The following AGPAT3 variants were observed in gnomAD, a reference collection of about 807,000 sequenced individuals.
The protein encoded by AGPAT3 is 1-acyl-sn-glycerol-3-phosphate acyltransferase gamma.
Under a neutral mutation model 47.3 loss-of-function variants are expected in AGPAT3, and 5 were observed. The observed-to-expected ratio is 0.11, with a 90% CI of 0.06 to 0.22. AGPAT3 has a LOEUF of 0.22. Ranked by LOEUF, AGPAT3 falls within the 10% of genes least tolerant of loss-of-function variation. AGPAT3 has a pLI of 1.00. For synonymous variants in AGPAT3, 212 were observed against 208.3 expected (o/e 1.02, Z -0.15); for missense variants, 315 against 493.0 (o/e 0.64, Z 3.42).
intron 3 of AGPAT3, among the ~76,000 whole-genome samples, chr21:43,963,323 G>A (rs2088965579): frequency 6.6e-6 from 1 of 152,166 alleles, no homozygotes; most frequent in South Asian, 2.1e-4. Flanking sequence ...ATGAAGGCAC[G>A]ATTTTTCAGA....
chr21:43,879,220 C>T (rs2085799983), intron 1 of AGPAT3, among the ~76,000 whole-genome samples: 1 of 151,932 alleles, frequency 6.6e-6, no homozygotes, highest in Non-Finnish European at 1.5e-5. Context: ...TGTGGCAGTG[C>T]GTGCCTGTAA....
In AGPAT3 at chr21:43,895,192, C is replaced by A. The variant is rs920749562; in HGVS notation, c.-111-8765C>A. Among the ~76,000 whole-genome samples, 13 of 151,872 alleles carry A rather than the reference C, an allele frequency of 8.6e-5. No individual in the cohort carries two copies. In the South Asian group the frequency reaches 2.1e-3, roughly 24 times the overall value. On this transcript the variant is annotated intron_variant, in intron 1 of 9. Coordinates refer to ENST00000291572, the MANE Select transcript of AGPAT3 (RefSeq NM_020132.5). ...CGATCTCGGCTCACTGCAACCTCCA[C>A]CTCTTGGGTTCAAGCGATTCTCCTG...
chr21:43,871,345 T>A (rs568442127), intron 1 of AGPAT3, among the ~76,000 whole-genome samples: 1 of 152,256 alleles, frequency 6.6e-6, no homozygotes, highest in Admixed American at 6.5e-5. Context: ...ACTAAGAGAA[T>A]AAGCATCAAT....
intron 8 of AGPAT3, among the ~76,000 whole-genome samples, chr21:43,978,389 ACCT>A (rs2089704209): frequency 6.6e-6 from 1 of 151,346 alleles, no homozygotes; most frequent in African/African-American, 2.4e-5. Flanking sequence ...TGCTGCCTTG[ACCT>A]CCTGGGCTCA....
intron 1 of AGPAT3, among the ~76,000 whole-genome samples, chr21:43,889,407 T>C (rs2086053366): frequency 6.6e-6 from 1 of 152,146 alleles, no homozygotes; most frequent in East Asian, 1.9e-4. Context: ...CCAGTTACAG[T>C]GAACTTGTGG....
rs989192602 is a variant in AGPAT3 at position 43,934,999 on chromosome 21, C to T, written c.-48-24635C>T. On this transcript the variant is annotated intron_variant, in intron 2 of 9. Transcript: ENST00000291572. The surrounding 1 kb of genome is among the most constrained non-coding windows in gnomAD (Gnocchi z 4.7). ...GCCACCACGCCACTTACGCCACCCA[C>T]GCTACTACCCATGCCACCCATGTGC... Among the ~76,000 whole-genome samples, 2 of 150,682 alleles carry T rather than the reference C, an allele frequency of 1.3e-5. No individual in the cohort carries two copies. Among genetic ancestry groups the T allele is most frequent in the South Asian group, 2.1e-4 (1 of 4,738 alleles).
At chr21:43,911,849 A>G (rs2086638530) in intron 2 of AGPAT3, among the ~76,000 whole-genome samples, 1 of 152,200 alleles carries the variant, frequency 6.6e-6, no homozygotes, top group African/African-American at 2.4e-5. Context: ...TCGTCTGACC[A>G]TGCCTAGTCA....
At chr21:43,878,114 A>C (rs1482112444) in intron 1 of AGPAT3, among the ~76,000 whole-genome samples, 1 of 149,938 alleles carries the variant, frequency 6.7e-6, no homozygotes, top group East Asian at 2.0e-4. Context: ...CTCAGCCCCC[A>C]CCCGTGATGA....
chr21:43,903,021 G>T (rs1185617053), intron 1 of AGPAT3, among the ~76,000 whole-genome samples: 2 of 152,112 alleles, frequency 1.3e-5, no homozygotes, highest in Non-Finnish European at 2.9e-5. Context: ...TGAATTTGTA[G>T]CTGGGGGACA....
chr21:43,948,991 C>A (rs1191557040), intron 2 of AGPAT3, among the ~76,000 whole-genome samples: 1 of 152,116 alleles, frequency 6.6e-6, no homozygotes, highest in Non-Finnish European at 1.5e-5. Context: ...TACTGATAAG[C>A]CGGTACTGTG....
chr21:43,928,354 G>A (rs2087126347), intron 2 of AGPAT3, among the ~76,000 whole-genome samples: 1 of 152,220 alleles, frequency 6.6e-6, no homozygotes, highest in Non-Finnish European at 1.5e-5. Context: ...CAGGCAAGGT[G>A]GCAAGCCCCG....
At chr21:43,906,326 T>TC (rs768151497) in intron 2 of AGPAT3, among the ~76,000 whole-genome samples, 10 of 151,516 alleles carry the variant, frequency 6.6e-5, no homozygotes, top group Admixed American at 2.0e-4. Context: ...GCACTGCAGC[T>TC]CCCCCCCGCC....
At chr21:43,980,683 C>T (rs1032600981) in intron 8 of AGPAT3, among the ~76,000 whole-genome samples, 4 of 152,186 alleles carry the variant, frequency 2.6e-5, no homozygotes, top group Non-Finnish European at 4.4e-5. Context: ...GGCGGGTGGC[C>T]GGGGCAGTGC....
intron 1 of AGPAT3, among the ~76,000 whole-genome samples, chr21:43,877,119 GA>G (rs1569041000): frequency 6.6e-6 from 1 of 151,996 alleles, no homozygotes; most frequent in Non-Finnish European, 1.5e-5. Flanking sequence ...TTGGCCTCCC[GA>G]AGTGCTGGGA....
chr21:43,925,439 G>C (rs999519), intron 2 of AGPAT3: 116,370 of 152,424 alleles, frequency 0.76, 44,513 homozygotes, highest in Admixed American at 0.84. Context: ...ACCTGCCCCC[G>C]GGGTCCAACA....
intron 3 of AGPAT3, chr21:43,967,379 C>A (rs948846946): frequency 6.5e-6 from 1 of 152,920 alleles, no homozygotes; most frequent in African/African-American, 2.4e-5. Flanking sequence ...AGCAGCAAGC[C>A]CCGTCGAGCA....
intron 2 of AGPAT3, among the ~76,000 whole-genome samples, chr21:43,943,026 T>TG (rs1302481377): frequency 6.6e-6 from 1 of 152,216 alleles, no homozygotes; most frequent in Non-Finnish European, 1.5e-5. Context: ...TCCCCAGGGC[T>TG]GGGTGGCCAG....
intron 7 of AGPAT3, among the ~76,000 whole-genome samples, chr21:43,973,876 C>T (rs1377705093): frequency 2.0e-5 from 3 of 152,138 alleles, no homozygotes; most frequent in South Asian, 2.1e-4. Context: ...GCCCCTGGGC[C>T]GAGGGCCTTC....
rs2030410331 is a variant in AGPAT3, at chr21:43,987,551, C to T, written c.*5159C>T. The stretch of plus-strand genomic sequence containing the variant: ...GAAAACCAAGGAACCCCTTTCTCTT[C>T]TTTATTAAAAAGCAAAACAAAAACT... On this transcript the variant is annotated 3_prime_UTR_variant, in exon 10 of 10. Coordinates refer to ENST00000291572, the MANE Select transcript of AGPAT3 (RefSeq NM_020132.5). 6.6e-6 allele frequency among the ~76,000 whole-genome samples: 1 copy of T among 152,210 alleles called. No individual in the cohort carries two copies. The highest frequency in any genetic ancestry group is 1.5e-5 in the Non-Finnish European group (1 of 68,036).
Sources: gnomAD v4.1 joint callset for allele counts (sites outside exome capture counted in the v4.1 genomes callset) on GRCh38, gnomAD v4.1.1 for gene constraint, Gnocchi (gnomAD v3.1) non-coding constraint, MANE v1.5 for transcripts, NCBI Gene and HGNC (gene_info 2026-07-23, HGNC 2026-07-21) for gene names.